MAGI2: variants seen among roughly 807,000 people sequenced by gnomAD.
MAGI2 encodes membrane associated guanylate kinase, WW and PDZ domain containing 2, also known as membrane-associated guanylate kinase, WW and PDZ domain-containing protein 2.
In MAGI2, 35 loss-of-function variants were observed where a neutral mutation model predicts 133.3. That is an observed-to-expected ratio of 0.26 (90% CI 0.20 to 0.35). The LOEUF (loss-of-function observed/expected upper bound fraction) is 0.35. Among genes scored for constraint, MAGI2 ranks in the 10% least tolerant of loss-of-function variants. The pLI, the probability that MAGI2 is intolerant of heterozygous loss-of-function variation, is 1.00. For synonymous variants in MAGI2, 729 were observed against 710.6 expected (o/e 1.03, Z -0.41); for missense variants, 1,636 against 1,863.4 (o/e 0.88, Z 2.25).
chr7:79,006,997 A>T (rs1174176500), intron 2 of MAGI2, 93 bp downstream of exon 2: 9 of 933,648 alleles, frequency 9.6e-6, no homozygotes, highest in African/African-American at 3.5e-5. Flanking sequence ...ACTATAAAAA[A>T]TAAGTGCAAT....
At chr7:78,286,965 C>A (rs798337) in intron 9 of MAGI2, among the ~76,000 whole-genome samples, 71,368 of 151,998 alleles carry the variant, frequency 0.47, 19,106 homozygotes, top group African/African-American at 0.72. Context: ...TGGAATACTG[C>A]GACATAAGGC....
intron 2 of MAGI2, among the ~76,000 whole-genome samples, chr7:78,888,708 C>T (rs1314891643): frequency 6.6e-6 from 1 of 152,112 alleles, no homozygotes; most frequent in Non-Finnish European, 1.5e-5. Flanking sequence ...GATAGGACAT[C>T]CACACCAAAA....
intron 16 of MAGI2, among the ~76,000 whole-genome samples, chr7:78,156,272 CTG>C (rs1347090559): frequency 6.6e-6 from 1 of 152,142 alleles, no homozygotes; most frequent in South Asian, 2.1e-4. Flanking sequence ...GTGAGAAAGA[CTG>C]TGTTCCCAGA....
intron 1 of MAGI2, among the ~76,000 whole-genome samples, chr7:79,064,462 T>C (rs1038188555): frequency 6.6e-6 from 1 of 152,082 alleles, no homozygotes; most frequent in Non-Finnish European, 1.5e-5. Flanking sequence ...TTTATCTTTT[T>C]AGAAGAGGAA....
Position 79,072,631 on chromosome 7 carries a change from T to C in MAGI2, c.302-65425A>G, listed in dbSNP as rs115372116. 6.8e-3 allele frequency among the ~76,000 whole-genome samples: 1,030 copies of C among 152,246 alleles called. 14 individuals carry two copies. The highest frequency in any genetic ancestry group is 0.023 in the African/African-American group (972 of 41,542). On this transcript the variant is annotated intron_variant, in intron 1 of 21. Coordinates refer to ENST00000354212, the MANE Select transcript of MAGI2 (RefSeq NM_012301.4). ...AAAAATCTGAGCATAAAAATAAAAC[T>C]AGTTATTAAAAAACAAATTATTTAC...
Position 79,135,273 on chromosome 7 carries a change from T to G in MAGI2, c.302-128067A>C, listed in dbSNP as rs188307830. On this transcript the variant is annotated intron_variant, in intron 1 of 21. Transcript: ENST00000354212. ...AATGGATCAAGTTATTGAAGAGATA[T>G]TCCAATATTATTTTGAAGTAAATAT... 2.9e-4 allele frequency among the ~76,000 whole-genome samples: 44 copies of G among 152,292 alleles called. No homozygotes were observed. In the East Asian group the frequency reaches 8.3e-3, roughly 29 times the overall value.
chr7:79,018,001 G>A (rs918255118), intron 1 of MAGI2, among the ~76,000 whole-genome samples: 5 of 152,040 alleles, frequency 3.3e-5, no homozygotes, highest in Non-Finnish European at 7.4e-5. Context: ...AAGCAACTTG[G>A]AAAACATATT....
chr7:78,479,834 C>T (rs966470386), intron 6 of MAGI2, among the ~76,000 whole-genome samples: 6 of 151,600 alleles, frequency 4.0e-5, no homozygotes, highest in African/African-American at 1.5e-4. Context: ...TTTAAATCAG[C>T]CATCATAAAA....
At chr7:78,503,451 A>G (rs1794793233) in intron 4 of MAGI2, among the ~76,000 whole-genome samples, 2 of 151,992 alleles carry the variant, frequency 1.3e-5, no homozygotes, top group East Asian at 3.9e-4. Context: ...TAACTGGATC[A>G]TGGGGAAGGC....
At chr7:78,453,655 G>C (rs1788975072) in intron 6 of MAGI2, among the ~76,000 whole-genome samples, 1 of 152,134 alleles carries the variant, frequency 6.6e-6, no homozygotes, top group Non-Finnish European at 1.5e-5. Flanking sequence ...GGTGGCCAGT[G>C]CAATGCTGAA....
At chr7:78,973,550 T>G (rs189064576) in intron 2 of MAGI2, among the ~76,000 whole-genome samples, 1 of 148,930 alleles carries the variant, frequency 6.7e-6, no homozygotes, top group Non-Finnish European at 1.5e-5. Context: ...GCAAGAGACT[T>G]TTTTTTTTTG....
intron 10 of MAGI2, among the ~76,000 whole-genome samples, chr7:78,213,488 T>C (rs1052959343): frequency 1.3e-5 from 2 of 152,224 alleles, no homozygotes; most frequent in Non-Finnish European, 2.9e-5. Flanking sequence ...TCAAAGCTCT[T>C]GGTTCACACT....
intron 2 of MAGI2, among the ~76,000 whole-genome samples, chr7:78,754,287 C>A (rs906156058): frequency 1.3e-5 from 2 of 151,822 alleles, no homozygotes; most frequent in Admixed American, 1.3e-4. Flanking sequence ...GGGAGGATCA[C>A]TTGCACCCAG....
chr7:79,062,152 G>A (rs754032293), intron 1 of MAGI2, among the ~76,000 whole-genome samples: 30 of 152,072 alleles, frequency 2.0e-4, no homozygotes, highest in Non-Finnish European at 3.7e-4. Context: ...CATTTTAACT[G>A]TACCACTCCA....
chr7:78,505,212 C>G (rs1326717198), intron 4 of MAGI2, among the ~76,000 whole-genome samples: 1 of 151,972 alleles, frequency 6.6e-6, no homozygotes, highest in East Asian at 1.9e-4. Context: ...CCAATTTTTC[C>G]CCTCTCTGCA....
rs1794647188 is a variant in MAGI2 at position 78,378,462 on chromosome 7, G to A, written c.1046-9249C>T. ...CAAAATACATACCAGTAAGACATTA[G>A]ACTTTAAAAGGTAGAGAAAACATGG... On this transcript the variant is annotated intron_variant, in intron 6 of 21. Transcript: ENST00000354212. Among the ~76,000 whole-genome samples the A allele has an allele frequency of 2.0e-5, 3 of 151,924 alleles. No homozygotes were observed. The South Asian group carries it at 6.2e-4, about 31-fold the overall frequency.
chr7:78,574,680 G>A lies in MAGI2; in HGVS notation c.538+52440C>T, dbSNP rs111884449. ...ACTATAGTTTTCTAAAGTAGAAAGCGTTCTAGTCCAATTTGAATTCTTCTA... is the reference window on the plus strand; with the variant it reads ...ACTATAGTTTTCTAAAGTAGAAAGCATTCTAGTCCAATTTGAATTCTTCTA... On this transcript the variant is annotated intron_variant, in intron 3 of 21. Coordinates refer to ENST00000354212, the MANE Select transcript of MAGI2 (RefSeq NM_012301.4). 3.2e-4 allele frequency among the ~76,000 whole-genome samples: 48 copies of A among 152,244 alleles called. No individual in the cohort carries two copies. The South Asian group carries it at 4.1e-3, about 13-fold the overall frequency.
At chr7:78,228,240 C>T (rs2150864604) in intron 10 of MAGI2, among the ~76,000 whole-genome samples, 1 of 152,296 alleles carries the variant, frequency 6.6e-6, no homozygotes, top group East Asian at 1.9e-4. Context: ...TTGGCAAGAG[C>T]CATGGTTTGC....
chr7:78,772,133 C>A (rs1825641670), intron 2 of MAGI2, among the ~76,000 whole-genome samples: 1 of 152,152 alleles, frequency 6.6e-6, no homozygotes, highest in Admixed American at 6.5e-5. Context: ...AAATTTGACA[C>A]CATCTTCTCC....
Sources: allele counts gnomAD v4.1 joint callset (sites outside exome capture counted in the v4.1 genomes callset), GRCh38; gene constraint gnomAD v4.1.1; transcripts MANE v1.5; gene names NCBI Gene and HGNC (gene_info 2026-07-23, HGNC 2026-07-21).